Variants in KIAA1549 observed in about 807,000 individuals in gnomAD.
KIAA1549 encodes UPF0606 protein KIAA1549.
A neutral mutation model predicts 156.4 loss-of-function variants in KIAA1549; 70 were observed. That is an observed-to-expected ratio of 0.45 (90% CI 0.37 to 0.55). The LOEUF is 0.55. Ranked by LOEUF, KIAA1549 falls within the 20% of genes least tolerant of loss-of-function variation. The pLI is 0.00. For missense variants in KIAA1549, 2,428 were observed against 2,540.9 expected (o/e 0.96, Z 0.96); for synonymous variants, 1,103 against 1,066.4 (o/e 1.03, Z -0.67).
chr7:138,967,656 C>G (rs1300671740), intron 1 of KIAA1549, among the ~76,000 whole-genome samples: 1 of 152,090 alleles, frequency 6.6e-6, no homozygotes, highest in Non-Finnish European at 1.5e-5. Flanking sequence ...TTCCCCAGCC[C>G]AGTCTCCCAG....
chr7:138,953,983 G>A (rs866536349), intron 1 of KIAA1549, among the ~76,000 whole-genome samples: 6 of 152,130 alleles, frequency 3.9e-5, no homozygotes, highest in Non-Finnish European at 5.9e-5. Context: ...ACTGTTGATG[G>A]TATCTTAGTT....
intron 5 of KIAA1549, among the ~76,000 whole-genome samples, chr7:138,907,571 G>C (rs1812041940): frequency 6.6e-6 from 1 of 152,240 alleles, no homozygotes; most frequent in Admixed American, 6.5e-5. Context: ...CTCTGTGGCA[G>C]AGATCAGCAG....
At position 138,835,254 on chromosome 7, in the gene KIAA1549, G is replaced by A. The variant is rs1014851153; in HGVS notation, c.*2652C>T. 2.3e-5 allele frequency: 5 copies of A among 213,994 alleles called. No individual in the cohort carries two copies. Among genetic ancestry groups the A allele is most frequent in the East Asian group, 2.1e-4 (3 of 14,416 alleles). The allele number at this position is 213,994 out of a possible 1,614,324, so 13.3% of individuals were successfully genotyped here. On this transcript the variant is annotated 3_prime_UTR_variant, in exon 20 of 20. Coordinates refer to ENST00000422774, the MANE Select transcript of KIAA1549 (RefSeq NM_001164665.2). ...GACTGGCAAAACTGTTGTGGCAGGC[G>A]TCGAGAGGAAGCAAGTACAAACTGT...
At position 138,861,131 on chromosome 7, in the gene KIAA1549, G is replaced by C. The variant is rs1189380681; in HGVS notation, c.5247+8C>G. On this transcript the variant is annotated splice_region_variant and intron_variant, in intron 16 of 19. Coordinates refer to ENST00000422774, the MANE Select transcript of KIAA1549 (RefSeq NM_001164665.2). ...CCCATCAGAGAATTCTAGAAGGCCA[G>C]TACTTACACTGCAGGGATTGTTGGC... is the stretch of plus-strand genomic sequence containing the variant. 6.2e-7 allele frequency: 1 copy of C among 1,613,344 alleles called. No individual in the cohort carries two copies. The highest frequency in any genetic ancestry group is 1.1e-5 in the South Asian group (1 of 91,062).
chr7:138,840,173 C>G lies in KIAA1549; in HGVS notation c.5558G>C (p.Trp1853Ser), dbSNP rs1403516309. The change falls in exon 19 of 20, where the codon TGG becomes TCG. Residue 1853 changes from tryptophan to serine, a missense_variant. Around this residue, in one of 5 missense-constraint regions of KIAA1549, gnomAD observed 363 missense variants for 354.0 expected, o/e 1.03. Transcript: ENST00000422774. ...CGCTTCGTCCTCCCCGTACGAAGGC[C>G]AGCCTGGCCCCCCATACTGGCTGCC... ...SRGSQYGGPG[W>S]PSYGEDEAGR... 1 of 1,558,764 alleles carries G rather than the reference C, an allele frequency of 6.4e-7. No homozygotes were observed. Among genetic ancestry groups the G allele is most frequent in the Non-Finnish European group, 8.7e-7 (1 of 1,150,960 alleles).
At chr7:138,977,363 C>T (rs1050087260) in intron 1 of KIAA1549, among the ~76,000 whole-genome samples, 1 of 151,984 alleles carries the variant, frequency 6.6e-6, no homozygotes, top group Non-Finnish European at 1.5e-5. Context: ...GCAATAAAAC[C>T]GTGCAGGTTA....
At chr7:138,866,452 A>G (rs1413405453) in intron 15 of KIAA1549, among the ~76,000 whole-genome samples, 1 of 152,246 alleles carries the variant, frequency 6.6e-6, no homozygotes, top group East Asian at 1.9e-4. Context: ...GATCACATCC[A>G]TCGCAAATCC....
Position 138,919,361 on chromosome 7 carries a change from C to T in KIAA1549, c.265G>A (p.Ala89Thr), listed in dbSNP as rs766634159. 20 of 1,613,874 alleles carry T rather than the reference C, an allele frequency of 1.2e-5. No individual in the cohort carries two copies. The highest frequency in any genetic ancestry group is 5.3e-5 in the African/African-American group (4 of 74,912). ...GTTTCTGTTAAGGCCACTTGTGCAG[C>T]GCTGTGCCCAGTGCTTTTCTTCAGC... ...LVLKKSTGHS[A>T]AQVALTETAP... is the part of the protein sequence containing the mutation. The change falls in exon 2 of 20, where the codon GCT (alanine) becomes ACT (threonine). Residue 89 changes from alanine (A) to threonine (T), a missense_variant. Around this residue, in one of 5 missense-constraint regions of KIAA1549, gnomAD observed 893 missense variants for 847.9 expected, o/e 1.05. Transcript: ENST00000422774.
chr7:138,943,023 G>A (rs946367989), intron 1 of KIAA1549, among the ~76,000 whole-genome samples: 23 of 152,306 alleles, frequency 1.5e-4, no homozygotes, highest in Non-Finnish European at 5.9e-5. Flanking sequence ...GGGCTGCCTG[G>A]GCCTCAAACA....
chr7:138,866,192 G>C (rs771412024), intron 15 of KIAA1549, among the ~76,000 whole-genome samples: 1 of 152,090 alleles, frequency 6.6e-6, no homozygotes, highest in Non-Finnish European at 1.5e-5. Context: ...CTCTGAAATC[G>C]CACTGATCCC....
At chr7:138,966,615 T>C (rs1814033236) in intron 1 of KIAA1549, among the ~76,000 whole-genome samples, 1 of 151,800 alleles carries the variant, frequency 6.6e-6, no homozygotes, top group African/African-American at 2.4e-5. Flanking sequence ...TTCTTCTGCT[T>C]GCTTTTATCC....
intron 1 of KIAA1549, among the ~76,000 whole-genome samples, chr7:138,946,910 G>A (rs1813354065): frequency 6.6e-6 from 1 of 152,222 alleles, no homozygotes; most frequent in African/African-American, 2.4e-5. Context: ...AACCCTCTGA[G>A]ACTCACTGCA....
In KIAA1549 at chr7:138,838,258, T is replaced by A. The variant is rs150213132; in HGVS notation, c.5599-98A>T. On this transcript the variant is annotated intron_variant, in intron 19 of 19. Coordinates refer to ENST00000422774, the MANE Select transcript of KIAA1549 (RefSeq NM_001164665.2). The stretch of plus-strand genomic sequence containing the variant: ...AGGAAGGTTCCCAGGACTGCCCACG[T>A]CCATCCACCAACTCAGCCCTCTAAC... 4.6e-4 allele frequency: 590 copies of A among 1,277,732 alleles called. 3 individuals are homozygous for A. In the African/African-American group the frequency reaches 8.2e-3, roughly 18 times the overall value. 79.1% of individuals were successfully genotyped at this position (1,277,732 alleles called of 1,614,324 possible). A position where few individuals can be genotyped will look rare whatever the true frequency, so the allele number is the denominator to read the frequency against.
chr7:138,941,764 C>T (rs1303618625), intron 1 of KIAA1549, among the ~76,000 whole-genome samples: 2 of 152,168 alleles, frequency 1.3e-5, no homozygotes, highest in Non-Finnish European at 2.9e-5. Context: ...GCAATTAGCG[C>T]TCTGCTGAAC....
chr7:138,958,760 A>C (rs1813747597), intron 1 of KIAA1549, among the ~76,000 whole-genome samples: 1 of 152,150 alleles, frequency 6.6e-6, no homozygotes, highest in Admixed American at 6.5e-5. Context: ...CCTCAGGGTC[A>C]CTCAGCAACA....
chr7:138,844,301 A>C lies in KIAA1549; in HGVS notation c.5452+16T>G. ...GTCCCGTAGCTCAGAAATGGAAGCT[A>C]AACAGCCACATATACCTGTGGTACC... On this transcript the variant is annotated intron_variant, in intron 18 of 19. Transcript: ENST00000422774. 1 of 1,613,792 alleles carries C rather than the reference A, an allele frequency of 6.2e-7. No homozygotes were observed. The highest frequency in any genetic ancestry group is 8.5e-7 in the Non-Finnish European group (1 of 1,179,792).
rs1812428962 is a variant in KIAA1549, at chr7:138,918,598, G to C, written c.1028C>G (p.Pro343Arg). The change falls in exon 2 of 20, where the codon CCC becomes CGC. Residue 343 changes from proline (P) to arginine (R), a missense_variant. Pro to Arg is a moderately radical substitution (Grantham distance 103). Coordinates refer to ENST00000422774, the MANE Select transcript of KIAA1549 (RefSeq NM_001164665.2). The surrounding 1 kb of genome is among the most constrained non-coding windows in gnomAD (Gnocchi z 4.2). ...LEETISPRTY[P>R]TVTASHAALA... ...GGCTGCGTGCGATGCAGTCACAGTGGGGTATGTTCTTGGAGAGATGGTTTC... is the reference window on the plus strand; with the variant it reads ...GGCTGCGTGCGATGCAGTCACAGTGCGGTATGTTCTTGGAGAGATGGTTTC... 1.2e-6 allele frequency: 2 copies of C among 1,614,010 alleles called. No homozygotes were observed. The highest frequency in any genetic ancestry group is 1.7e-6 in the Non-Finnish European group (2 of 1,179,886).
At chr7:138,937,541 G>A (rs1423191550) in intron 1 of KIAA1549, among the ~76,000 whole-genome samples, 1 of 152,200 alleles carries the variant, frequency 6.6e-6, no homozygotes, top group Non-Finnish European at 1.5e-5. Context: ...GATGAACAGA[G>A]AAGACTGGTA....
intron 19 of KIAA1549, 115 bp from the exon 20 acceptor site, chr7:138,838,275 C>T (rs976964071): frequency 1.8e-6 from 2 of 1,114,228 alleles, no homozygotes; most frequent in Non-Finnish European, 2.5e-6. Context: ...ACCAACTCAG[C>T]CCTCTAACAG....
Sources: gnomAD v4.1 joint callset for allele counts (sites outside exome capture counted in the v4.1 genomes callset) on GRCh38, gnomAD v4.1.1 for gene constraint, gnomAD v4.1.1 regional missense constraint, Gnocchi (gnomAD v3.1) non-coding constraint, MANE v1.5 for transcripts, NCBI Gene and HGNC (gene_info 2026-07-23, HGNC 2026-07-21) for gene names.